Variants in ARMC1 observed in about 807,000 individuals in gnomAD.
ARMC1 encodes the protein armadillo repeat containing 1, also known as armadillo repeat-containing protein 1.
In ARMC1, 16 loss-of-function variants were observed where a neutral mutation model predicts 31.4. That is an observed-to-expected ratio of 0.51 (90% confidence interval 0.34 to 0.77). ARMC1 has a LOEUF of 0.77. Among genes scored for constraint, ARMC1 ranks in the 30% least tolerant of loss-of-function variants. The probability of loss-of-function intolerance (pLI) is 0.01; values close to 1 mark genes in which losing one functional copy is unlikely to be tolerated. For missense variants in ARMC1, 259 were observed against 347.5 expected, an observed-to-expected ratio of 0.75 and a Z score of 2.02; for synonymous variants, 114 against 118.9, an observed-to-expected ratio of 0.96 and a Z score of 0.27.
intron 1 of ARMC1, among the ~76,000 whole-genome samples, chr8:65,631,097 C>G (rs1266977998): frequency 6.6e-6 from 1 of 152,208 alleles, no homozygotes; most frequent in African/African-American, 2.4e-5. Context: ...CTGACAGAAG[C>G]TGTGATTTGT....
chr8:65,603,431 T>TC lies in ARMC1; in HGVS notation c.*962dup, dbSNP rs1807936024. 6.6e-6 allele frequency: 1 copy of TC among 152,210 alleles called. No homozygotes were observed. The highest frequency in any genetic ancestry group is 1.5e-5 in the Non-Finnish European group (1 of 68,026). The allele number at this position is 152,210 out of a possible 1,614,324, so 9.4% of individuals were successfully genotyped here. On this transcript the variant is annotated 3_prime_UTR_variant, in exon 7 of 7. Coordinates refer to ENST00000276569, the MANE Select transcript of ARMC1 (RefSeq NM_018120.6). ...ACTGAATAGAACTCTGTCGAGCAAT[T>TC]CATGTTTTAAAGTTGGACTCTATAC...
Position 65,602,894 on chromosome 8 carries a change from T to C in ARMC1, c.*1500A>G, listed in dbSNP as rs1001588302. 6.6e-6 allele frequency: 1 copy of C among 151,172 alleles called. No homozygotes were observed. The highest frequency in any genetic ancestry group is 1.5e-5 in the Non-Finnish European group (1 of 67,726). The allele number at this position is 151,172 out of a possible 1,614,324, so 9.4% of individuals were successfully genotyped here. ...ACCAAACACATGTAAAAAAATATCA[T>C]CCTCAATGCCCCCCATTAACTCTCT... On this transcript the variant is annotated 3_prime_UTR_variant, in exon 7 of 7. Transcript: ENST00000276569.
At chr8:65,632,315 TG>T (rs1286926707) in intron 1 of ARMC1, among the ~76,000 whole-genome samples, 8 of 151,996 alleles carry the variant, frequency 5.3e-5, no homozygotes, top group African/African-American at 1.7e-4. Flanking sequence ...CACCTGAGCC[TG>T]GGAGCTCGAC....
At chr8:65,619,292 A>C (rs1407476372) in intron 3 of ARMC1, among the ~76,000 whole-genome samples, 3 of 151,754 alleles carry the variant, frequency 2.0e-5, no homozygotes, top group African/African-American at 7.3e-5. Context: ...CCCAGCACTT[A>C]TAGAGAGGCC....
chr8:65,609,936 AG>A (rs1808093356), intron 4 of ARMC1, among the ~76,000 whole-genome samples: 1 of 151,712 alleles, frequency 6.6e-6, no homozygotes, highest in African/African-American at 2.4e-5. Context: ...ATTGCTAAAG[AG>A]GTAAGTGGTA....
At chr8:65,614,105 A>G (rs1808200995) in intron 3 of ARMC1, among the ~76,000 whole-genome samples, 1 of 152,260 alleles carries the variant, frequency 6.6e-6, no homozygotes, top group African/African-American at 2.4e-5. Context: ...TACAACATAT[A>G]AAAATCCAAA....
At chr8:65,620,799 T>TAAAAAAAAAAAA (rs112946805) in intron 3 of ARMC1, among the ~76,000 whole-genome samples, 1,972 of 139,028 alleles carry the variant, frequency 0.014, 58 homozygotes, top group African/African-American at 0.046. Flanking sequence ...TAGTTCCATT[T>TAAAAAAAAAAAA]AAAAAAAAAC....
chr8:65,627,456 T>C, intron 1 of ARMC1, 23 bp from the exon 2 acceptor site: 1 of 1,421,322 alleles, frequency 7.0e-7, no homozygotes, highest in African/African-American at 1.4e-5. Context: ...TTTGCAGAAT[T>C]AGTTCTAGGC....
chr8:65,620,270 TTTAA>T (rs1197760267), intron 3 of ARMC1, among the ~76,000 whole-genome samples: 4 of 150,150 alleles, frequency 2.7e-5, no homozygotes, highest in Middle Eastern at 3.4e-3. Context: ...AGTTTTTAAT[TTTAA>T]TTAATTATTA....
chr8:65,618,358 T>C (rs1411201270), intron 3 of ARMC1, among the ~76,000 whole-genome samples: 1 of 151,278 alleles, frequency 6.6e-6, no homozygotes, highest in African/African-American at 2.4e-5. Flanking sequence ...CCATCTCTAC[T>C]AAAAATACAA....
chr8:65,630,002 G>A (rs1235969564), intron 1 of ARMC1, among the ~76,000 whole-genome samples: 9 of 151,686 alleles, frequency 5.9e-5, no homozygotes, highest in South Asian at 2.1e-4. Flanking sequence ...AAAATTAGCC[G>A]GGCATGGTGG....
At chr8:65,626,385 C>CTTGAGGCCAGGAGT (rs1808511971) in intron 2 of ARMC1, among the ~76,000 whole-genome samples, 1 of 147,432 alleles carries the variant, frequency 6.8e-6, no homozygotes, top group African/African-American at 2.5e-5. Context: ...AGAAGAATCA[C>CTTGAGGCCAGGAGT]TTGAGGCCAG....
At chr8:65,624,711 G>A (rs1389488238) in intron 2 of ARMC1, among the ~76,000 whole-genome samples, 1 of 152,072 alleles carries the variant, frequency 6.6e-6, no homozygotes, top group African/African-American at 2.4e-5. Context: ...AAGGTAGGCT[G>A]TAAGAAGTTA....
rs1807940292 is a variant in ARMC1, at chr8:65,603,653, G to A, written c.*741C>T. ...GAATTGATATAAGCCAAAGTGAAAA[G>A]AAGTCAACTAGAACCACATTTGGTC... On this transcript the variant is annotated 3_prime_UTR_variant, in exon 7 of 7. Transcript: ENST00000276569. 6.6e-6 allele frequency: 1 copy of A among 152,142 alleles called. No homozygotes were observed. The highest frequency in any genetic ancestry group is 1.5e-5 in the Non-Finnish European group (1 of 68,022). The allele number at this position is 152,142 out of a possible 1,614,324, so 9.4% of individuals were successfully genotyped here. A position where few individuals can be genotyped will look rare whatever the true frequency, so the allele number is the denominator to read the frequency against.
intron 2 of ARMC1, among the ~76,000 whole-genome samples, chr8:65,625,999 C>T (rs1197803040): frequency 6.6e-6 from 1 of 151,704 alleles, no homozygotes; most frequent in Admixed American, 6.6e-5. Flanking sequence ...AGGGATTCTC[C>T]TGCCTCAGCC....
intron 3 of ARMC1, among the ~76,000 whole-genome samples, chr8:65,614,422 A>G (rs1293816964): frequency 6.6e-6 from 1 of 152,224 alleles, no homozygotes; most frequent in Non-Finnish European, 1.5e-5. Flanking sequence ...GCAACTAAAA[A>G]AAATTAATTT....
chr8:65,613,034 T>G (rs1808176040), intron 4 of ARMC1, among the ~76,000 whole-genome samples: 1 of 152,208 alleles, frequency 6.6e-6, no homozygotes. Context: ...TTCTCTAAGT[T>G]TTACTTCATA....
intron 3 of ARMC1, among the ~76,000 whole-genome samples, chr8:65,614,234 C>T (rs1585707959): frequency 6.6e-6 from 1 of 152,146 alleles, no homozygotes; most frequent in Non-Finnish European, 1.5e-5. Context: ...ATGTGTTTAT[C>T]ATAAAACCAC....
At chr8:65,624,932 C>A (rs956004809) in intron 2 of ARMC1, among the ~76,000 whole-genome samples, 2 of 152,094 alleles carry the variant, frequency 1.3e-5, no homozygotes, top group African/African-American at 4.8e-5. Flanking sequence ...ACTAGCCTGG[C>A]CAACATGGTG....
Sources: allele counts gnomAD v4.1 joint callset (sites outside exome capture counted in the v4.1 genomes callset), GRCh38; gene constraint gnomAD v4.1.1; transcripts MANE v1.5; gene names NCBI Gene and HGNC (gene_info 2026-07-23, HGNC 2026-07-21).